Variants in SELP observed in about 807,000 individuals in gnomAD.
SELP encodes P-selectin.
In SELP, 92 loss-of-function variants were observed where a neutral mutation model predicts 104.1. The observed-to-expected ratio is 0.88, with a 90% confidence interval of 0.75 to 1.05. SELP has a LOEUF of 1.05. Ranked by LOEUF, SELP falls within the 50% of genes least tolerant of loss-of-function variation. The pLI, the probability that SELP is intolerant of heterozygous loss-of-function variation, is 0.00. For missense variants in SELP, 1,022 were observed against 1,017.3 expected, an observed-to-expected ratio of 1.00 and a Z score of -0.06; for synonymous variants, 397 against 364.5, an observed-to-expected ratio of 1.09 and a Z score of -1.01.
intron 9 of SELP, among the ~76,000 whole-genome samples, chr1:169,604,928 A>T (rs1997664): frequency 0.43 from 65,423 of 152,070 alleles, 16,006 homozygotes; most frequent in East Asian, 0.96. Flanking sequence ...TGGATTGCAC[A>T]CTGCATGGTA....
chr1:169,611,767 A>G, intron 6 of SELP, 90 bp from the exon 7 acceptor site: 2 of 1,276,336 alleles, frequency 1.6e-6, no homozygotes, highest in South Asian at 2.8e-5. Context: ...TCTGAAATGC[A>G]GGTGGAGCTA....
rs1662855225 is a variant in SELP at position 169,617,123 on chromosome 1, T to C, written c.386A>G (p.Glu129Gly). ...DNEPNNKRNNEDCVEIYIKSP... is the reference protein window; with the variant it reads ...DNEPNNKRNNGDCVEIYIKSP... ...CTTGATGTATATCTCCACGCAGTCC[T>C]CGTTGTTCCTTTTGTTGTTAGGTTC... The change falls in exon 3 of 17, where the codon GAG becomes GGG. Residue 129 changes from glutamate to glycine, a missense_variant. By Grantham distance (98) the Glu-to-Gly change is moderately conservative (BLOSUM62 -2). Coordinates refer to ENST00000263686, the MANE Select transcript of SELP (RefSeq NM_003005.4). 1.2e-6 allele frequency: 2 copies of C among 1,614,122 alleles called. No homozygotes were observed. The highest frequency in any genetic ancestry group is 1.7e-6 in the Non-Finnish European group (2 of 1,180,002).
chr1:169,625,107 C>T (rs887477546), intron 1 of SELP, among the ~76,000 whole-genome samples: 1 of 152,166 alleles, frequency 6.6e-6, no homozygotes, highest in Admixed American at 6.6e-5. Context: ...TACTCTCCAG[C>T]CCACTGCCCG....
intron 10 of SELP, among the ~76,000 whole-genome samples, chr1:169,599,369 A>AAC (rs1661788762): frequency 6.6e-6 from 1 of 151,728 alleles, no homozygotes; most frequent in African/African-American, 2.4e-5. Flanking sequence ...AAAAAAAAAA[A>AAC]AACTCCTGAA....
chr1:169,599,756 A>G (rs903458959), intron 10 of SELP, among the ~76,000 whole-genome samples: 1 of 152,170 alleles, frequency 6.6e-6, no homozygotes, highest in African/African-American at 2.4e-5. Flanking sequence ...GGAATGAAGA[A>G]AAAAATGGAG....
chr1:169,627,212 T>A (rs181112622), intron 1 of SELP, among the ~76,000 whole-genome samples: 1 of 152,200 alleles, frequency 6.6e-6, no homozygotes, highest in Non-Finnish European at 1.5e-5. Flanking sequence ...AGTTCCCTTA[T>A]GTTTCTGGAC....
At chr1:169,621,135 G>T (rs1295252852) in intron 1 of SELP, among the ~76,000 whole-genome samples, 5 of 113,426 alleles carry the variant, frequency 4.4e-5, no homozygotes, top group African/African-American at 1.7e-4. Context: ...CCCCAGTGAT[G>T]AGATGTAGGG....
At chr1:169,617,738 A>T (rs1662896599) in intron 2 of SELP, among the ~76,000 whole-genome samples, 1 of 152,240 alleles carries the variant, frequency 6.6e-6, no homozygotes, top group Admixed American at 6.5e-5. Context: ...AAAGAAGGAG[A>T]CATAAGTAAT....
In SELP at chr1:169,602,423, G is replaced by T. The variant is rs1661955707; in HGVS notation, c.1705+603C>A. ...ATGTAGCTGAAGAAGACTCTGTAAG[G>T]AAGTAAAACTTTCAGTGACATAGAG... On this transcript the variant is annotated intron_variant, in intron 10 of 16. Coordinates refer to ENST00000263686, the MANE Select transcript of SELP (RefSeq NM_003005.4). Among the ~76,000 whole-genome samples the T allele has an allele frequency of 2.0e-5, 3 of 152,328 alleles. No individual in the cohort carries two copies. In the South Asian group the frequency reaches 6.2e-4, roughly 32 times the overall value.
At chr1:169,591,116 C>G (rs1032086147) in intron 15 of SELP, among the ~76,000 whole-genome samples, 5 of 152,138 alleles carry the variant, frequency 3.3e-5, no homozygotes, top group African/African-American at 9.7e-5. Context: ...AGTCCACCTG[C>G]GTGGGCGTTG....
At chr1:169,591,557 T>G in intron 14 of SELP, 101 bp from the exon 15 acceptor site, 1 of 758,774 alleles carries the variant, frequency 1.3e-6, no homozygotes, top group Non-Finnish European at 2.1e-6. Flanking sequence ...ACCAGTAGAC[T>G]GATTTTCAGG....
chr1:169,593,714 C>T lies in SELP; in HGVS notation c.2298G>A (p.Leu766=). 1 of 1,613,404 alleles carries T rather than the reference C, an allele frequency of 6.2e-7. No homozygotes were observed. The highest frequency in any genetic ancestry group is 8.5e-7 in the Non-Finnish European group (1 of 1,179,538). The change falls in exon 14 of 17, where the codon TTG becomes TTA. Residue 766 remains leucine, a synonymous_variant. Coordinates refer to ENST00000263686, the MANE Select transcript of SELP (RefSeq NM_003005.4). Reference sequence around the variant, plus strand: ...AGTAAGTCAGGGCTTCCTGGATAGTCAATGGTCCTGCTACAAAACAAACAC... The same window carrying T: ...AGTAAGTCAGGGCTTCCTGGATAGTTAATGGTCCTGCTACAAAACAAACAC... ...TTVPTCQAGP[L]TIQEALTYFG... is the part of the protein sequence containing the mutation.
chr1:169,622,706 A>T (rs1387767741), intron 1 of SELP, among the ~76,000 whole-genome samples: 1 of 152,228 alleles, frequency 6.6e-6, no homozygotes, highest in Non-Finnish European at 1.5e-5. Context: ...AGAGACTTAC[A>T]GTTGTAGAAA....
intron 3 of SELP, among the ~76,000 whole-genome samples, chr1:169,616,541 ATAAAC>A (rs1294253296): frequency 6.6e-6 from 1 of 152,222 alleles, no homozygotes; most frequent in African/African-American, 2.4e-5. Context: ...CATGAACTAA[ATAAAC>A]TAATAACACA....
intron 9 of SELP, among the ~76,000 whole-genome samples, chr1:169,605,239 A>G (rs1000213362): frequency 6.6e-6 from 1 of 152,138 alleles, no homozygotes; most frequent in Non-Finnish European, 1.5e-5. Flanking sequence ...GGACTTTGTG[A>G]TATGTCCAGA....
intron 15 of SELP, among the ~76,000 whole-genome samples, chr1:169,590,438 T>C (rs1033805752): frequency 5.3e-5 from 8 of 152,264 alleles, no homozygotes; most frequent in Admixed American, 4.6e-4. Context: ...ATGTACTGAA[T>C]ACCTGTTATA....
chr1:169,603,305 CTCTG>C (rs749955580), intron 9 of SELP, 94 bp from the exon 10 acceptor site: 17,102 of 643,974 alleles, frequency 0.027, 133 homozygotes, highest in Admixed American at 0.033. Flanking sequence ...CCCTCTCTCT[CTCTG>C]TGTGTGTGTG....
At chr1:169,597,199 T>C (rs1661674441) in intron 10 of SELP, 23 bp from the exon 11 acceptor site, 2 of 1,543,054 alleles carry the variant, frequency 1.3e-6, no homozygotes, top group East Asian at 2.3e-5. Context: ...ATTAAGAGTG[T>C]CACAATCTCC....
In SELP at chr1:169,617,150, T is replaced by G; in HGVS notation, c.359A>C (p.Asn120Thr). 3 of 1,614,160 alleles carry G rather than the reference T, an allele frequency of 1.9e-6. No individual in the cohort carries two copies. Among genetic ancestry groups the G allele is most frequent in the Non-Finnish European group, 2.5e-6 (3 of 1,180,022 alleles). ...GTTGTTCCTTTTGTTGTTAGGTTCA[T>G]TATCAGCCCAGTTCTCAGCCTCGTT... The part of the protein sequence containing the change: ...LTNEAENWAD[N>T]EPNNKRNNED... Residue 120 changes from asparagine to threonine, a missense_variant, in exon 3 of 17, where the codon AAT becomes ACT. By Grantham distance (65) the Asn-to-Thr change is moderately conservative (BLOSUM62 0). Coordinates refer to ENST00000263686, the MANE Select transcript of SELP (RefSeq NM_003005.4).
Sources: gnomAD v4.1 joint callset for allele counts (sites outside exome capture counted in the v4.1 genomes callset) on GRCh38, gnomAD v4.1.1 for gene constraint, MANE v1.5 for transcripts, NCBI Gene and HGNC (gene_info 2026-07-23, HGNC 2026-07-21) for gene names.